DIS3L: variants seen among roughly 807,000 people sequenced by gnomAD.
DIS3L encodes the protein DIS3-like exonuclease 1.
A neutral mutation model predicts 120.3 loss-of-function variants in DIS3L; 100 were observed. The ratio of observed to expected loss-of-function variants is 0.83; its 90% CI spans 0.71 to 0.98. The LOEUF (loss-of-function observed/expected upper bound fraction) is 0.98, where lower values mean the gene tolerates loss of function less well. Ranked by LOEUF, DIS3L falls within the 50% of genes least tolerant of loss-of-function variation. DIS3L has a pLI of 0.00. For missense variants in DIS3L, 1,196 were observed against 1,314.2 expected (o/e 0.91, Z 1.39); for synonymous variants, 426 against 470.6 (o/e 0.91, Z 1.23).
At chr15:66,321,274 T>C (rs1056983536) in intron 9 of DIS3L, among the ~76,000 whole-genome samples, 1 of 152,250 alleles carries the variant, frequency 6.6e-6, no homozygotes, top group Admixed American at 6.5e-5. Context: ...ATCTTGTGTA[T>C]TATTCTTGAA....
At chr15:66,329,973 CAATT>C in intron 14 of DIS3L, 1 of 984,634 alleles carries the variant, frequency 1.0e-6, no homozygotes, top group Non-Finnish European at 1.2e-6. Flanking sequence ...CCAGAGCTAA[CAATT>C]AATGATTCTA....
chr15:66,313,036 A>G (rs1374718647), intron 5 of DIS3L, among the ~76,000 whole-genome samples: 6 of 151,710 alleles, frequency 4.0e-5, no homozygotes, highest in African/African-American at 1.5e-4. Context: ...TCGTTCTATC[A>G]CCAGGATGGA....
chr15:66,294,014 T>C, intron 1 of DIS3L: 1 of 988,888 alleles, frequency 1.0e-6, no homozygotes, highest in South Asian at 4.7e-5. Context: ...GGCCGGGTGG[T>C]TTGGCTCCTC....
In DIS3L at chr15:66,328,955, T is replaced by G; in HGVS notation, c.2202-15T>G. On this transcript the variant is annotated splice_polypyrimidine_tract_variant and intron_variant, in intron 12 of 16. Transcript: ENST00000319212. ...CTGTCTGGGACTAGCTAACGGTTTT[T>G]CTGTTCTTTGTCAGGTCCAATAAAA... 1 of 1,608,676 alleles carries G rather than the reference T, an allele frequency of 6.2e-7. No individual in the cohort carries two copies. The highest frequency in any genetic ancestry group is 8.5e-7 in the Non-Finnish European group (1 of 1,178,480).
intron 4 of DIS3L, among the ~76,000 whole-genome samples, chr15:66,310,232 A>G (rs1243296677): frequency 1.3e-5 from 2 of 152,170 alleles, no homozygotes; most frequent in South Asian, 2.1e-4. Context: ...TGGCCCTGCT[A>G]TAAGAAAGTG....
rs2092803853 is a variant in DIS3L, at chr15:66,315,140, A to C, written c.919A>C (p.Arg307=). 6.2e-7 allele frequency: 1 copy of C among 1,614,150 alleles called. No individual in the cohort carries two copies. Among genetic ancestry groups the C allele is most frequent in the Middle Eastern group, 1.6e-4 (1 of 6,062 alleles). The change falls in exon 7 of 17, where the codon AGA becomes CGA. Residue 307 remains arginine, a synonymous_variant. Transcript: ENST00000319212. ...ELLPKNEWKG[R]TVALCENDCD... ...GCTTCCTAAAAATGAATGGAAAGGAAGAACCGTAGCCCTGTGTGAGAATGA... is the reference window on the plus strand; with the variant it reads ...GCTTCCTAAAAATGAATGGAAAGGACGAACCGTAGCCCTGTGTGAGAATGA...
In DIS3L at chr15:66,322,683, A is replaced by AC; in HGVS notation, c.1327-3dup. On this transcript the variant is annotated splice_region_variant and splice_polypyrimidine_tract_variant and intron_variant, in intron 9 of 16. Coordinates refer to ENST00000319212, the MANE Select transcript of DIS3L (RefSeq NM_001143688.3). The stretch of plus-strand genomic sequence containing the variant: ...AATTGCTGAATATTTGGTTTCTCAT[A>AC]CAGATGTGTGAGATGCCAGTAAACA... 1 of 1,613,672 alleles carries AC rather than the reference A, an allele frequency of 6.2e-7. No homozygotes were observed.
intron 3 of DIS3L, 92 bp from the exon 4 acceptor site, chr15:66,308,617 T>A (rs6494563): frequency 0.083 from 124,161 of 1,502,102 alleles, 5,735 homozygotes; most frequent in African/African-American, 0.16. Context: ...ATCTATATAG[T>A]CCAAAGGATA....
intron 2 of DIS3L, among the ~76,000 whole-genome samples, chr15:66,300,069 T>C (rs1306866800): frequency 1.3e-5 from 2 of 152,012 alleles, no homozygotes; most frequent in Admixed American, 6.6e-5. Flanking sequence ...AATAAATAAA[T>C]AAAAATGAAA....
rs1436427790 is a variant in DIS3L, at chr15:66,332,514, G to GTGTA, written c.2682-221_2682-220insGTAT. ...TGTGTGTGTGTGTGTGTGTGTGTGT[G>GTGTA]TATATATATACACACACACTTCTAT... On this transcript the variant is annotated intron_variant, in intron 15 of 16. Transcript: ENST00000319212. Among the ~76,000 whole-genome samples, 37 of 74,756 alleles carry GTGTA rather than the reference G, an allele frequency of 4.9e-4. 1 individual carries two copies. Among genetic ancestry groups the GTGTA allele is most frequent in the African/African-American group, 1.3e-3 (37 of 28,624 alleles). The allele number at this position is 74,756 out of a possible 152,430, so 49.0% of individuals were successfully genotyped here.
rs529597981 is a variant in DIS3L at position 66,333,078 on chromosome 15, C to T, written c.2931C>T (p.Tyr977=). The T allele has an allele frequency of 3.5e-5, 57 of 1,613,268 alleles. 1 individual carries two copies. The South Asian group carries it at 5.6e-4, about 16-fold the overall frequency. The change falls in exon 17 of 17, where the codon TAC becomes TAT. Residue 977 remains tyrosine, a synonymous_variant. Coordinates refer to ENST00000319212, the MANE Select transcript of DIS3L (RefSeq NM_001143688.3). The stretch of plus-strand genomic sequence containing the variant: ...TTGAAATAATTAGTAACAAACCATA[C>T]AAGATACCAAATACAGAACTTATTC... ...IRLEIISNKP[Y]KIPNTELIHQ...
chr15:66,296,309 T>G (rs1329430471), intron 2 of DIS3L, among the ~76,000 whole-genome samples: 2 of 152,222 alleles, frequency 1.3e-5, no homozygotes, highest in African/African-American at 4.8e-5. Flanking sequence ...AAACGTTTTT[T>G]TCTCCTGAAC....
chr15:66,329,999 C>A (rs564325292), intron 14 of DIS3L: 20 of 985,050 alleles, frequency 2.0e-5, no homozygotes, highest in Non-Finnish European at 2.4e-5. Flanking sequence ...ACACTGCTAA[C>A]ATTTTTATTT....
intron 2 of DIS3L, among the ~76,000 whole-genome samples, chr15:66,295,489 A>G (rs983318097): frequency 2.6e-5 from 4 of 152,230 alleles, no homozygotes; most frequent in Non-Finnish European, 2.9e-5. Context: ...TTATAGATAC[A>G]TTGTTTCAGA....
chr15:66,311,646 C>A, intron 4 of DIS3L, 78 bp from the exon 5 acceptor site: 1 of 1,544,774 alleles, frequency 6.5e-7, no homozygotes, highest in South Asian at 1.1e-5. Context: ...AATTCCTAGT[C>A]AGGAGTTTCT....
intron 3 of DIS3L, among the ~76,000 whole-genome samples, chr15:66,307,841 G>A (rs1312427212): frequency 3.3e-5 from 5 of 152,152 alleles, no homozygotes; most frequent in African/African-American, 9.7e-5. Context: ...TGTAGGAAAC[G>A]AAGACTCCAT....
chr15:66,303,295 A>G (rs552266006), intron 2 of DIS3L, among the ~76,000 whole-genome samples: 2 of 152,138 alleles, frequency 1.3e-5, no homozygotes, highest in Non-Finnish European at 2.9e-5. Context: ...CTTGCTTTCA[A>G]TTTGGGTATA....
intron 1 of DIS3L, chr15:66,293,947 C>G (rs2092553940): frequency 1.3e-5 from 13 of 995,838 alleles, no homozygotes; most frequent in Non-Finnish European, 1.6e-5. Context: ...CCGGGACTCC[C>G]TTACTGCTCC....
rs1401828084 is a variant in DIS3L, at chr15:66,333,252, A to G, written c.3105A>G (p.Thr1035=). ...YRQTKGRSLY[T]LLEEIRDLAL... ...AAACAAAGGGAAGGAGCCTATACAC[A>G]CTTCTAGAGGAGATACGGGACCTAG... The change falls in exon 17 of 17, where the codon ACA becomes ACG. Residue 1035 remains threonine (T), a synonymous_variant. Coordinates refer to ENST00000319212, the MANE Select transcript of DIS3L (RefSeq NM_001143688.3). 10 of 1,614,052 alleles carry G rather than the reference A, an allele frequency of 6.2e-6. No individual in the cohort carries two copies. Among genetic ancestry groups the G allele is most frequent in the Non-Finnish European group, 7.6e-6 (9 of 1,180,030 alleles).
Sources: gnomAD v4.1 joint callset for allele counts (sites outside exome capture counted in the v4.1 genomes callset) on GRCh38, gnomAD v4.1.1 for gene constraint, MANE v1.5 for transcripts, NCBI Gene and HGNC (gene_info 2026-07-23, HGNC 2026-07-21) for gene names.